COL5A2: variants seen among roughly 807,000 people sequenced by gnomAD.
COL5A2 encodes collagen type V alpha 2 chain, also known as collagen alpha-2(V) chain.
Under a neutral mutation model 208.2 loss-of-function variants are expected in COL5A2, and 23 were observed. The observed-to-expected ratio is 0.11, with a 90% CI of 0.08 to 0.16. The LOEUF is 0.16. COL5A2 is among the 10% of genes least tolerant of loss of function. The probability of loss-of-function intolerance (pLI) is 1.00; values close to 1 mark genes in which losing one functional copy is unlikely to be tolerated. For missense variants in COL5A2, 1,590 were observed against 1,956.4 expected, an observed-to-expected ratio of 0.81 and a Z score of 3.53; for synonymous variants, 625 against 628.5, an observed-to-expected ratio of 0.99 and a Z score of 0.08.
chr2:189,152,215 A>G (rs1688156825), intron 1 of COL5A2, among the ~76,000 whole-genome samples: 1 of 152,196 alleles, frequency 6.6e-6, no homozygotes, highest in Non-Finnish European at 1.5e-5. Flanking sequence ...ACTTACATGT[A>G]TAATTTAAAA....
intron 1 of COL5A2, among the ~76,000 whole-genome samples, chr2:189,190,996 T>C (rs946898591): frequency 6.6e-6 from 1 of 151,684 alleles, no homozygotes; most frequent in Non-Finnish European, 1.5e-5. Flanking sequence ...CACAGAACAA[T>C]AATAGGAGAA....
chr2:189,352,912 A>G, the COL5A2 span, among the ~76,000 whole-genome samples: 1 of 152,106 alleles, frequency 6.6e-6, no homozygotes, highest in African/African-American at 2.4e-5. Flanking sequence ...TGGGGTTTTT[A>G]TAGTTTTAGG....
the COL5A2 span, chr2:189,311,614 CAT>C: frequency 7.4e-6 from 7 of 950,150 alleles, no homozygotes; most frequent in East Asian, 1.3e-4. Context: ...TCAGATTTCT[CAT>C]AGAGTCCAGG....
chr2:189,382,199 C>T, the COL5A2 span, among the ~76,000 whole-genome samples: 1 of 151,998 alleles, frequency 6.6e-6, no homozygotes, highest in African/African-American at 2.4e-5. Flanking sequence ...AGGTGATATA[C>T]AGCTCAGTGT....
intron 8 of COL5A2, among the ~76,000 whole-genome samples, chr2:189,087,629 A>ATTTTTTTTTT (rs528975622): frequency 8.3e-6 from 1 of 120,658 alleles, no homozygotes; most frequent in African/African-American, 3.1e-5. Context: ...ATTGTTTTGT[A>ATTTTTTTTTT]TTTTTTTTTT....
intron 47 of COL5A2, among the ~76,000 whole-genome samples, chr2:189,044,527 T>G (rs1436606732): frequency 1.3e-5 from 2 of 152,162 alleles, no homozygotes; most frequent in African/African-American, 2.4e-5. Context: ...CAAAACACTG[T>G]TCACTTGACA....
At chr2:189,149,130 A>T (rs369655226) in intron 1 of COL5A2, among the ~76,000 whole-genome samples, 17 of 152,160 alleles carry the variant, frequency 1.1e-4, no homozygotes, top group African/African-American at 4.1e-4. Context: ...ACAGAATAAG[A>T]CTCATTGTAC....
At chr2:189,165,779 C>G (rs1206108489) in intron 1 of COL5A2, among the ~76,000 whole-genome samples, 1 of 152,144 alleles carries the variant, frequency 6.6e-6, no homozygotes, top group East Asian at 1.9e-4. Flanking sequence ...CTGTAAAAAG[C>G]TCTATATGTA....
the COL5A2 span, among the ~76,000 whole-genome samples, chr2:189,270,476 G>A: frequency 3.3e-5 from 5 of 152,026 alleles, no homozygotes; most frequent in Admixed American, 2.0e-4. Context: ...CCTTAATTTC[G>A]TTATTTACCC....
the COL5A2 span, among the ~76,000 whole-genome samples, chr2:189,333,246 T>C: frequency 3.9e-5 from 6 of 152,174 alleles, no homozygotes; most frequent in African/African-American, 7.2e-5. Flanking sequence ...GCACTAACAA[T>C]AGATAAATCA....
chr2:189,326,883 C>G, the COL5A2 span, among the ~76,000 whole-genome samples: 1 of 151,830 alleles, frequency 6.6e-6, no homozygotes, highest in Non-Finnish European at 1.5e-5. Flanking sequence ...CCAGCCTGTC[C>G]AGCATGGTGA....
the COL5A2 span, among the ~76,000 whole-genome samples, chr2:189,367,678 T>C: frequency 1.3e-5 from 2 of 152,202 alleles, no homozygotes; most frequent in Admixed American, 6.5e-5. Flanking sequence ...AAACACTCTA[T>C]CTACTGTCAC....
intron 41 of COL5A2, 64 bp downstream of exon 41, chr2:189,052,108 C>A: frequency 1.5e-6 from 2 of 1,316,336 alleles, no homozygotes; most frequent in Admixed American, 1.9e-5. Flanking sequence ...AAATTTAACT[C>A]AAATGTATAC....
intron 23 of COL5A2, among the ~76,000 whole-genome samples, chr2:189,065,314 G>A (rs2105596431): frequency 6.6e-6 from 1 of 152,280 alleles, no homozygotes; most frequent in East Asian, 1.9e-4. Context: ...CAGATCACCT[G>A]AGGTCAGGAG....
chr2:189,152,286 C>T (rs1017457983), intron 1 of COL5A2, among the ~76,000 whole-genome samples: 1 of 152,158 alleles, frequency 6.6e-6, no homozygotes, highest in African/African-American at 2.4e-5. Flanking sequence ...TTTCTAACTT[C>T]AAGTACAATA....
rs569242389 is a variant in COL5A2, at chr2:189,056,560, C to G, written c.2391+413G>C. 5.3e-5 allele frequency among the ~76,000 whole-genome samples: 8 copies of G among 152,078 alleles called. No homozygotes were observed. The East Asian group carries it at 1.5e-3, about 29-fold the overall frequency. ...TTCACTGTGCAGTAAATTTCTCACC[C>G]CAACATCCAATATACTGAGAAACAT... On this transcript the variant is annotated intron_variant, in intron 35 of 53. Coordinates refer to ENST00000374866, the MANE Select transcript of COL5A2 (RefSeq NM_000393.5).
intron 1 of COL5A2, among the ~76,000 whole-genome samples, chr2:189,168,538 C>A (rs978495896): frequency 6.6e-6 from 1 of 151,250 alleles, no homozygotes; most frequent in Non-Finnish European, 1.5e-5. Context: ...AATCTGAGAA[C>A]GAAAGAATGA....
the COL5A2 span, among the ~76,000 whole-genome samples, chr2:189,402,281 G>A: frequency 2.0e-5 from 3 of 152,134 alleles, no homozygotes; most frequent in Non-Finnish European, 4.4e-5. Context: ...GCAGTGGTGC[G>A]ATCTTGGCTC....
chr2:189,104,930 A>G (rs1168936635), intron 2 of COL5A2, among the ~76,000 whole-genome samples: 1 of 151,696 alleles, frequency 6.6e-6, no homozygotes, highest in African/African-American at 2.4e-5. Flanking sequence ...TAATTTTTTT[A>G]TAAGATTCCA....
Sources: gnomAD v4.1 joint callset for allele counts (sites outside exome capture counted in the v4.1 genomes callset) on GRCh38, gnomAD v4.1.1 for gene constraint, MANE v1.5 for transcripts, NCBI Gene and HGNC (gene_info 2026-07-23, HGNC 2026-07-21) for gene names.